YAP1: variants seen among roughly 807,000 people sequenced by gnomAD.
The protein encoded by YAP1 is Yes1 associated transcriptional regulator.
A neutral mutation model predicts 56.9 loss-of-function variants in YAP1; 5 were observed. The observed-to-expected ratio is 0.09, with a 90% confidence interval of 0.05 to 0.18. The LOEUF (loss-of-function observed/expected upper bound fraction) is 0.18, where lower values mean the gene tolerates loss of function less well. Among genes scored for constraint, YAP1 ranks in the 10% least tolerant of loss-of-function variants. The probability of loss-of-function intolerance (pLI) is 1.00; values close to 1 mark genes in which losing one functional copy is unlikely to be tolerated. For missense variants in YAP1, 539 were observed against 651.8 expected, an observed-to-expected ratio of 0.83 and a Z score of 1.88; for synonymous variants, 265 against 248.1, an observed-to-expected ratio of 1.07 and a Z score of -0.64.
intron 2 of YAP1, among the ~76,000 whole-genome samples, chr11:102,157,171 C>G (rs1946005040): frequency 6.6e-6 from 1 of 152,074 alleles, no homozygotes; most frequent in African/African-American, 2.4e-5. Flanking sequence ...ACCATATTAT[C>G]ATAGAGGCAA....
At chr11:102,122,916 A>AAAAAAAAAAAAT (rs1943765733) in intron 2 of YAP1, among the ~76,000 whole-genome samples, 1 of 141,288 alleles carries the variant, frequency 7.1e-6, no homozygotes, top group Non-Finnish European at 1.6e-5. Context: ...AAAAAAAAAA[A>AAAAAAAAAAAAT]GCAAAGAAAA....
chr11:102,128,299 G>C (rs879891932), intron 2 of YAP1, among the ~76,000 whole-genome samples: 1 of 152,094 alleles, frequency 6.6e-6, no homozygotes, highest in African/African-American at 2.4e-5. Context: ...CTCGGCGGGG[G>C]GTAATTGAAT....
At position 102,172,475 on chromosome 11, in the gene YAP1, C is replaced by CTTT. The variant is rs368895891; in HGVS notation, c.688+9904_688+9905insTTT. On this transcript the variant is annotated intron_variant, in intron 3 of 8. Coordinates refer to ENST00000282441, the MANE Select transcript of YAP1 (RefSeq NM_001130145.3). The stretch of plus-strand genomic sequence containing the variant: ...TACAGGCATACGGCACCATGCACAG[C>CTTT]GTTTTTTTTTTTTTTTTTTTGGTAG... 9.4e-5 allele frequency among the ~76,000 whole-genome samples: 10 copies of CTTT among 106,200 alleles called. 1 individual carries two copies. Among genetic ancestry groups the CTTT allele is most frequent in the South Asian group, 3.5e-4 (1 of 2,880 alleles). 69.7% of individuals were successfully genotyped at this position (106,200 alleles called of 152,430 possible). A position where few individuals can be genotyped will look rare whatever the true frequency, so the allele number is the denominator to read the frequency against.
chr11:102,199,016 G>T (rs369654267), intron 4 of YAP1, among the ~76,000 whole-genome samples: 8 of 152,174 alleles, frequency 5.3e-5, no homozygotes, highest in Non-Finnish European at 1.0e-4. Context: ...GAATGTATGT[G>T]TATGTCTATG....
intron 2 of YAP1, among the ~76,000 whole-genome samples, chr11:102,144,443 TG>T (rs1164512106): frequency 1.3e-5 from 2 of 152,232 alleles, no homozygotes; most frequent in Non-Finnish European, 2.9e-5. Flanking sequence ...TGTATGAATT[TG>T]TAATGTGGCT....
intron 4 of YAP1, among the ~76,000 whole-genome samples, chr11:102,201,899 A>G (rs1948879387): frequency 6.6e-6 from 1 of 152,102 alleles, no homozygotes; most frequent in Non-Finnish European, 1.5e-5. Context: ...TCTTCAAAAA[A>G]GGCTGAGTAA....
At chr11:102,154,275 CT>C (rs1336534793) in intron 2 of YAP1, among the ~76,000 whole-genome samples, 1 of 152,116 alleles carries the variant, frequency 6.6e-6, no homozygotes, top group Non-Finnish European at 1.5e-5. Context: ...TTTAAAATAT[CT>C]TTATATGATT....
At chr11:102,140,067 C>G (rs753092193) in intron 2 of YAP1, among the ~76,000 whole-genome samples, 1 of 151,980 alleles carries the variant, frequency 6.6e-6, no homozygotes, top group Non-Finnish European at 1.5e-5. Flanking sequence ...CTCTTCTAAC[C>G]TGTGAATCTT....
At chr11:102,197,694 A>G (rs1191835599) in intron 4 of YAP1, among the ~76,000 whole-genome samples, 1 of 152,220 alleles carries the variant, frequency 6.6e-6, no homozygotes, top group South Asian at 2.1e-4. Flanking sequence ...AAAATATTGC[A>G]TAATTTTTAA....
At chr11:102,114,505 T>A (rs540936228) in intron 2 of YAP1, 111 bp downstream of exon 2, 1 of 1,305,900 alleles carries the variant, frequency 7.7e-7, no homozygotes, top group African/African-American at 1.5e-5. Flanking sequence ...TTTTATTTAA[T>A]ATTTATGTTA....
intron 3 of YAP1, among the ~76,000 whole-genome samples, chr11:102,164,246 G>A (rs960766506): frequency 1.3e-4 from 20 of 152,080 alleles, no homozygotes; most frequent in Non-Finnish European, 2.5e-4. Context: ...TGTTGGCCAG[G>A]CTGGTCTCAA....
Position 102,223,767 on chromosome 11 carries a change from C to G in YAP1, c.1163+15C>G, listed in dbSNP as rs748930238. On this transcript the variant is annotated intron_variant, in intron 7 of 8. Coordinates refer to ENST00000282441, the MANE Select transcript of YAP1 (RefSeq NM_001130145.3). ...TTCCTTAACAGGTTGGTGAAAGTTG[C>G]TACTGGTGAATATCTGAAAAGGATC... is the stretch of plus-strand genomic sequence containing the variant. The G allele has an allele frequency of 1.2e-6, 2 of 1,613,536 alleles. No homozygotes were observed. Among genetic ancestry groups the G allele is most frequent in the Non-Finnish European group, 1.7e-6 (2 of 1,179,754 alleles).
intron 6 of YAP1, among the ~76,000 whole-genome samples, chr11:102,213,242 T>C (rs1949495972): frequency 1.3e-5 from 2 of 152,268 alleles, no homozygotes; most frequent in Admixed American, 1.3e-4. Flanking sequence ...CCCAGCACTT[T>C]GGGAGGCCAA....
intron 2 of YAP1, among the ~76,000 whole-genome samples, chr11:102,157,293 A>G (rs562446125): frequency 6.6e-6 from 1 of 152,330 alleles, no homozygotes; most frequent in Admixed American, 6.5e-5. Flanking sequence ...TAAAAAGCCT[A>G]TAGTTGTGGT....
chr11:102,228,879 A>G (rs1436189237), intron 8 of YAP1, among the ~76,000 whole-genome samples: 1 of 152,114 alleles, frequency 6.6e-6, no homozygotes, highest in Non-Finnish European at 1.5e-5. Flanking sequence ...TTGTGCCTGT[A>G]TTCATCCAGC....
intron 1 of YAP1, chr11:102,112,567 C>T: frequency 3.0e-6 from 3 of 984,860 alleles, no homozygotes; most frequent in Non-Finnish European, 3.6e-6. Flanking sequence ...GAAGAGTTAC[C>T]GCCCCCACTC....
chr11:102,116,047 G>T (rs986083928), intron 2 of YAP1, among the ~76,000 whole-genome samples: 1 of 152,046 alleles, frequency 6.6e-6, no homozygotes, highest in Non-Finnish European at 1.5e-5. Flanking sequence ...ACCTGCCTAC[G>T]ATTTCATTAT....
intron 2 of YAP1, among the ~76,000 whole-genome samples, chr11:102,133,151 C>T (rs1055263062): frequency 8.4e-5 from 12 of 142,424 alleles, no homozygotes; most frequent in African/African-American, 2.0e-4. Flanking sequence ...AGTGAGACTC[C>T]GTCTCAAAAA....
Position 102,158,377 on chromosome 11 carries a change from T to C in YAP1, c.573-4079T>C, listed in dbSNP as rs1057053606. On this transcript the variant is annotated intron_variant, in intron 2 of 8. Transcript: ENST00000282441. Reference sequence around the variant, plus strand: ...ACAAAATATTTACCCTCCAGGCATATGTCGTTCTTAAAACAATGTTGTAGG... The same window carrying C: ...ACAAAATATTTACCCTCCAGGCATACGTCGTTCTTAAAACAATGTTGTAGG... 2.0e-5 allele frequency among the ~76,000 whole-genome samples: 3 copies of C among 152,200 alleles called. No homozygotes were observed. In the East Asian group the frequency reaches 5.8e-4, roughly 29 times the overall value.
Sources: allele counts gnomAD v4.1 joint callset (sites outside exome capture counted in the v4.1 genomes callset), GRCh38; gene constraint gnomAD v4.1.1; transcripts MANE v1.5; gene names NCBI Gene and HGNC (gene_info 2026-07-23, HGNC 2026-07-21).